KAZN: variants seen among roughly 807,000 people sequenced by gnomAD.
KAZN encodes the protein kazrin, periplakin interacting protein.
In KAZN, 40 loss-of-function variants were observed where a neutral mutation model predicts 87.4. That is an observed-to-expected ratio of 0.46 (90% CI 0.36 to 0.60). KAZN has a LOEUF of 0.60. Among genes scored for constraint, KAZN ranks in the 20% least tolerant of loss-of-function variants. KAZN has a pLI of 0.00. For synonymous variants in KAZN, 466 were observed against 458.3 expected (o/e 1.02, Z -0.22); for missense variants, 898 against 1,073.9 (o/e 0.84, Z 2.29).
chr1:13,986,577 G>A (rs1390400214), intron 1 of KAZN, among the ~76,000 whole-genome samples: 2 of 152,212 alleles, frequency 1.3e-5, no homozygotes, highest in Non-Finnish European at 2.9e-5. Context: ...TTGGCTAAAT[G>A]TAAAGATTAA....
At chr1:14,230,468 C>A (rs1218131891) in intron 2 of KAZN, among the ~76,000 whole-genome samples, 4 of 152,116 alleles carry the variant, frequency 2.6e-5, no homozygotes, top group Non-Finnish European at 5.9e-5. Context: ...ATGAAAAAAT[C>A]TGTGATTTAG....
intron 2 of KAZN, among the ~76,000 whole-genome samples, chr1:14,570,970 A>C (rs999202425): frequency 6.6e-6 from 1 of 152,134 alleles, no homozygotes; most frequent in Non-Finnish European, 1.5e-5. Context: ...TCTCATCTGC[A>C]GCTTCTCCCT....
chr1:14,005,013 A>G (rs1570504637), intron 1 of KAZN, among the ~76,000 whole-genome samples: 3 of 151,208 alleles, frequency 2.0e-5, no homozygotes, highest in Admixed American at 2.0e-4. Flanking sequence ...TATCAGATGC[A>G]CTCCCTCCGC....
chr1:14,957,012 T>C (rs1193800070), intron 1 of KAZN, among the ~76,000 whole-genome samples: 2 of 152,168 alleles, frequency 1.3e-5, no homozygotes, highest in African/African-American at 4.8e-5. Context: ...TGCCGCCAAC[T>C]TCTCAAGGGT....
intron 2 of KAZN, among the ~76,000 whole-genome samples, chr1:14,519,184 G>T (rs1334374956): frequency 6.6e-6 from 1 of 152,064 alleles, no homozygotes; most frequent in African/African-American, 2.4e-5. Flanking sequence ...AAAAGTTTCT[G>T]GAATCAAAGA....
chr1:14,382,844 T>C (rs1200277623), intron 2 of KAZN, among the ~76,000 whole-genome samples: 2 of 151,954 alleles, frequency 1.3e-5, no homozygotes, highest in Non-Finnish European at 2.9e-5. Context: ...AGTAATGGGA[T>C]GGCTGGGTCA....
Position 15,116,764 on chromosome 1 carries a change from CAG to C in KAZN, c.*2132_*2133del, listed in dbSNP as rs1232655980. ...AGAATTGTAGCAGGGCACTTGAATGCAGAGCTGATGATTTGAAACCAACGTTC... is the reference window on the plus strand; with the variant it reads ...AGAATTGTAGCAGGGCACTTGAATGCAGCTGATGATTTGAAACCAACGTTC... On this transcript the variant is annotated 3_prime_UTR_variant, in exon 15 of 15. Transcript: ENST00000376030. The C allele has an allele frequency of 1.3e-5, 2 of 152,204 alleles. No homozygotes were observed. The highest frequency in any genetic ancestry group is 6.5e-5 in the Admixed American group (1 of 15,286). The allele number at this position is 152,204 out of a possible 1,614,324, so 9.4% of individuals were successfully genotyped here.
intron 1 of KAZN, among the ~76,000 whole-genome samples, chr1:13,935,822 T>C (rs1640706859): frequency 6.6e-6 from 1 of 151,648 alleles, no homozygotes; most frequent in African/African-American, 2.4e-5. Context: ...AGCCCCAGAT[T>C]TCCCATTTCT....
intron 2 of KAZN, among the ~76,000 whole-genome samples, chr1:14,400,303 A>T (rs1663292949): frequency 6.6e-6 from 1 of 152,228 alleles, no homozygotes; most frequent in Non-Finnish European, 1.5e-5. Context: ...ATCATCATGA[A>T]TTTAAAGCTT....
At chr1:14,925,746 T>A (rs1386152483) in intron 1 of KAZN, among the ~76,000 whole-genome samples, 2 of 152,172 alleles carry the variant, frequency 1.3e-5, no homozygotes, top group East Asian at 3.9e-4. Context: ...CCCCTATTCT[T>A]GTTTTTGCCT....
chr1:13,912,415 C>A (rs1639686779), intron 1 of KAZN, among the ~76,000 whole-genome samples: 2 of 152,082 alleles, frequency 1.3e-5, no homozygotes, highest in Non-Finnish European at 2.9e-5. Flanking sequence ...TCAATAAGTG[C>A]CATTGAAGAT....
intron 1 of KAZN, among the ~76,000 whole-genome samples, chr1:14,137,904 G>A (rs957275680): frequency 1.3e-5 from 2 of 152,082 alleles, no homozygotes; most frequent in South Asian, 2.1e-4. Context: ...AGGCCTATCA[G>A]TTAAGGAATT....
chr1:14,669,905 G>T (rs979460872), intron 1 of KAZN, among the ~76,000 whole-genome samples: 2 of 152,102 alleles, frequency 1.3e-5, no homozygotes, highest in Non-Finnish European at 2.9e-5. Flanking sequence ...ACTTTTCCTG[G>T]GTACCGCCAA....
At chr1:14,582,559 A>C (rs1392556131) in intron 2 of KAZN, among the ~76,000 whole-genome samples, 1 of 152,178 alleles carries the variant, frequency 6.6e-6, no homozygotes, top group East Asian at 1.9e-4. Flanking sequence ...TGTCCTTTAC[A>C]AACACTTGTT....
chr1:14,530,743 TAC>T (rs1385132248), intron 2 of KAZN, among the ~76,000 whole-genome samples: 1 of 152,166 alleles, frequency 6.6e-6, no homozygotes, highest in Non-Finnish European at 1.5e-5. Flanking sequence ...ATGCTTCCTG[TAC>T]AGTCTGCAGA....
At chr1:15,091,242 A>G (rs1640519846) in intron 8 of KAZN, among the ~76,000 whole-genome samples, 1 of 152,308 alleles carries the variant, frequency 6.6e-6, no homozygotes, top group South Asian at 2.1e-4. Context: ...TCCACCTAGT[A>G]TATTGTATAC....
chr1:14,684,940 CA>C (rs1640868347), intron 1 of KAZN, among the ~76,000 whole-genome samples: 1 of 152,036 alleles, frequency 6.6e-6, no homozygotes, highest in South Asian at 2.1e-4. Flanking sequence ...CTTTGGGGGC[CA>C]TTATACAGGC....
chr1:14,781,184 T>G (rs1056208603), intron 1 of KAZN, among the ~76,000 whole-genome samples: 1 of 152,174 alleles, frequency 6.6e-6, no homozygotes, highest in African/African-American at 2.4e-5. Flanking sequence ...TAGCCGGGCA[T>G]GGTGGCAGGC....
intron 1 of KAZN, among the ~76,000 whole-genome samples, chr1:14,064,118 T>G (rs1642906973): frequency 6.6e-6 from 1 of 152,100 alleles, no homozygotes; most frequent in African/African-American, 2.4e-5. Context: ...GGGTTTCACC[T>G]TCTTAGCCAG....
Sources: gnomAD v4.1 joint callset for allele counts (sites outside exome capture counted in the v4.1 genomes callset) on GRCh38, gnomAD v4.1.1 for gene constraint, MANE v1.5 for transcripts, NCBI Gene and HGNC (gene_info 2026-07-23, HGNC 2026-07-21) for gene names.